Variants in ADGRL3 observed in about 807,000 individuals in gnomAD.
ADGRL3 encodes the protein adhesion G protein-coupled receptor L3.
In ADGRL3, 62 loss-of-function variants were observed where a neutral mutation model predicts 153.5. That is an observed-to-expected ratio of 0.40 (90% confidence interval 0.33 to 0.50). ADGRL3 has a LOEUF of 0.50. Ranked by LOEUF, ADGRL3 falls within the 20% of genes least tolerant of loss-of-function variation. The probability of loss-of-function intolerance (pLI) is 0.47; values close to 1 mark genes in which losing one functional copy is unlikely to be tolerated. For missense variants in ADGRL3, 1,641 were observed against 1,859.4 expected, an observed-to-expected ratio of 0.88 and a Z score of 2.16; for synonymous variants, 710 against 672.5, an observed-to-expected ratio of 1.06 and a Z score of -0.86.
At chr4:61,546,575 G>A (rs2098714740) in intron 4 of ADGRL3, among the ~76,000 whole-genome samples, 1 of 151,856 alleles carries the variant, frequency 6.6e-6, no homozygotes, top group African/African-American at 2.4e-5. Context: ...ATATAATGCC[G>A]TACTACTGCA....
intron 1 of ADGRL3, among the ~76,000 whole-genome samples, chr4:61,303,577 C>A (rs1012957815): frequency 1.3e-5 from 2 of 151,968 alleles, no homozygotes; most frequent in Non-Finnish European, 2.9e-5. Context: ...CTAAAACTGT[C>A]ATTTTTTTAA....
chr4:61,969,638 A>G (rs1208040875), intron 17 of ADGRL3, among the ~76,000 whole-genome samples: 1 of 152,160 alleles, frequency 6.6e-6, no homozygotes, highest in Non-Finnish European at 1.5e-5. Context: ...CAATCTTCAT[A>G]CAAATCAATA....
chr4:61,960,813 C>T (rs2098984952), intron 17 of ADGRL3, among the ~76,000 whole-genome samples: 1 of 152,068 alleles, frequency 6.6e-6, no homozygotes, highest in Non-Finnish European at 1.5e-5. Flanking sequence ...CAGGTTCAAG[C>T]GATTCTCTGT....
At chr4:61,860,870 G>A (rs1561374778) in intron 9 of ADGRL3, among the ~76,000 whole-genome samples, 1 of 152,132 alleles carries the variant, frequency 6.6e-6, no homozygotes, top group Non-Finnish European at 1.5e-5. Flanking sequence ...CAAGTGCAAA[G>A]TAACATAACA....
chr4:61,222,546 A>G (rs1259109388), intron 1 of ADGRL3, among the ~76,000 whole-genome samples: 2 of 152,160 alleles, frequency 1.3e-5, no homozygotes, highest in African/African-American at 2.4e-5. Flanking sequence ...CACTAAAGGA[A>G]AACAACTCTG....
chr4:61,417,224 TG>T (rs1553924458), intron 2 of ADGRL3, among the ~76,000 whole-genome samples: 1 of 152,056 alleles, frequency 6.6e-6, no homozygotes, highest in Non-Finnish European at 1.5e-5. Flanking sequence ...CCGGGGGTGG[TG>T]GCTTACACCT....
chr4:61,646,614 TGAG>T (rs1213267749), intron 5 of ADGRL3, among the ~76,000 whole-genome samples: 3 of 151,974 alleles, frequency 2.0e-5, no homozygotes, highest in South Asian at 4.1e-4. Flanking sequence ...GGGACCCACT[TGAG>T]GAGGCAGTCT....
intron 1 of ADGRL3, among the ~76,000 whole-genome samples, chr4:61,330,658 C>T (rs1018442090): frequency 3.9e-5 from 6 of 152,078 alleles, no homozygotes; most frequent in Non-Finnish European, 7.4e-5. Flanking sequence ...AAAGTTGGCA[C>T]GGACCCAAAG....
chr4:61,958,903 A>G (rs1049782859), intron 17 of ADGRL3, among the ~76,000 whole-genome samples: 8 of 152,144 alleles, frequency 5.3e-5, no homozygotes, highest in Non-Finnish European at 7.4e-5. Flanking sequence ...CTGAATTGCT[A>G]CCATAAACCC....
chr4:61,511,839 A>G (rs766106423), intron 3 of ADGRL3, among the ~76,000 whole-genome samples: 22 of 152,130 alleles, frequency 1.4e-4, no homozygotes, highest in Non-Finnish European at 2.8e-4. Flanking sequence ...TCATGCTGCA[A>G]TTTCTACATG....
At chr4:61,483,068 G>C (rs757397409) in intron 2 of ADGRL3, among the ~76,000 whole-genome samples, 1 of 152,134 alleles carries the variant, frequency 6.6e-6, no homozygotes, top group Non-Finnish European at 1.5e-5. Flanking sequence ...TTCTAAGTGA[G>C]ATATGTTTGT....
intron 1 of ADGRL3, among the ~76,000 whole-genome samples, chr4:61,350,620 G>T (rs965495866): frequency 6.6e-6 from 1 of 151,878 alleles, no homozygotes; most frequent in East Asian, 1.9e-4. Flanking sequence ...CTTTATGTCC[G>T]TGTGTCACAT....
intron 1 of ADGRL3, among the ~76,000 whole-genome samples, chr4:61,353,265 T>C (rs1442783064): frequency 6.6e-6 from 1 of 152,198 alleles, no homozygotes; most frequent in Non-Finnish European, 1.5e-5. Flanking sequence ...ATATGCTATA[T>C]ATAGTTATAT....
chr4:61,647,942 T>C (rs1014408979), intron 5 of ADGRL3, among the ~76,000 whole-genome samples: 3 of 152,178 alleles, frequency 2.0e-5, no homozygotes, highest in African/African-American at 7.2e-5. Flanking sequence ...AATCTTCAAG[T>C]AAATTTTTAT....
rs564960212 is a variant in ADGRL3 at position 61,206,109 on chromosome 4, A to C, written c.-240+4344A>C. Among the ~76,000 whole-genome samples, 5 of 152,332 alleles carry C rather than the reference A, an allele frequency of 3.3e-5. No homozygotes were observed. The East Asian group carries it at 7.7e-4, about 23-fold the overall frequency. ...AAGGGGAGCGTTTCTATATTTGCTC[A>C]TAATAGGTTCTATAGACCTTGATAA... is the stretch of plus-strand genomic sequence containing the variant. On this transcript the variant is annotated intron_variant, in intron 1 of 26. Transcript: ENST00000683033.
At chr4:61,721,504 G>T (rs1029028331) in intron 6 of ADGRL3, among the ~76,000 whole-genome samples, 1 of 152,136 alleles carries the variant, frequency 6.6e-6, no homozygotes, top group South Asian at 2.1e-4. Flanking sequence ...TAGCCCCTGC[G>T]CTGGCAGCTG....
intron 1 of ADGRL3, among the ~76,000 whole-genome samples, chr4:61,245,793 T>A (rs2149376545): frequency 6.6e-6 from 1 of 152,242 alleles, no homozygotes; most frequent in South Asian, 2.1e-4. Context: ...GTAATAGCAT[T>A]AAGTGGTAAA....
At chr4:61,768,271 C>T (rs538893435) in intron 8 of ADGRL3, among the ~76,000 whole-genome samples, 19 of 151,756 alleles carry the variant, frequency 1.3e-4, no homozygotes, top group South Asian at 6.2e-4. Flanking sequence ...GGAGGGGAGG[C>T]AATAAAAAGA....
intron 3 of ADGRL3, among the ~76,000 whole-genome samples, chr4:61,511,803 A>G (rs1359070485): frequency 6.6e-6 from 1 of 152,176 alleles, no homozygotes; most frequent in Non-Finnish European, 1.5e-5. Flanking sequence ...GAATTGAAAC[A>G]GATTTACCCC....
Sources: allele counts gnomAD v4.1 joint callset (sites outside exome capture counted in the v4.1 genomes callset), GRCh38; gene constraint gnomAD v4.1.1; transcripts MANE v1.5; gene names NCBI Gene and HGNC (gene_info 2026-07-23, HGNC 2026-07-21).